Variants in TRANK1 observed in about 807,000 individuals in gnomAD.
TRANK1 encodes the protein tetratricopeptide repeat and ankyrin repeat containing 1.
TRANK1 carries 198 observed loss-of-function variants against 266.0 expected under a neutral mutation model. The observed-to-expected ratio is 0.74, with a 90% CI of 0.66 to 0.84. TRANK1 has a LOEUF of 0.84. Ranked by LOEUF, TRANK1 falls within the 40% of genes least tolerant of loss-of-function variation. TRANK1 has a pLI of 0.00. For missense variants in TRANK1, 3,326 were observed against 3,634.6 expected, an observed-to-expected ratio of 0.92 and a Z score of 2.18; for synonymous variants, 1,396 against 1,384.1, an observed-to-expected ratio of 1.01 and a Z score of -0.19.
intron 16 of TRANK1, 76 bp from the exon 17 acceptor site, chr3:36,846,480 C>T (rs939583243): frequency 6.8e-7 from 1 of 1,481,296 alleles, no homozygotes; most frequent in African/African-American, 1.4e-5. Context: ...AATGGGCTTA[C>T]TCTAATTTTG....
intron 9 of TRANK1, among the ~76,000 whole-genome samples, chr3:36,865,024 G>GTTGTTTTTTTTTTTTTTTTTTTTTT (rs58393381): frequency 8.3e-6 from 1 of 119,808 alleles, no homozygotes; most frequent in Non-Finnish European, 1.7e-5. Context: ...TGTTTTTTTG[G>GTTGTTTTTTTTTTTTTTTTTTTTTT]TTTTTTTTTT....
intron 9 of TRANK1, among the ~76,000 whole-genome samples, chr3:36,869,014 A>G (rs754524715): frequency 6.6e-6 from 1 of 152,256 alleles, no homozygotes; most frequent in Non-Finnish European, 1.5e-5. Flanking sequence ...AGAGCTGAGC[A>G]GCAACATCAG....
chr3:36,945,047 C>G lies in TRANK1; in HGVS notation c.-238G>C. ...CGTCCGGGCGGTGTGCAGCCGCAGA[C>G]CTATTCCAAGTTTCCACGTAGTTGC... On this transcript the variant is annotated 5_prime_UTR_variant, in exon 1 of 24. Coordinates refer to ENST00000645898, the MANE Select transcript of TRANK1 (RefSeq NM_001329998.2). 2.2e-6 allele frequency: 1 copy of G among 452,970 alleles called. No individual in the cohort carries two copies. Among genetic ancestry groups the G allele is most frequent in the East Asian group, 3.7e-5 (1 of 27,284 alleles). The allele number at this position is 452,970 out of a possible 1,614,324, so 28.1% of individuals were successfully genotyped here.
chr3:36,916,810 T>G (rs140822444), intron 1 of TRANK1, among the ~76,000 whole-genome samples: 2,389 of 151,620 alleles, frequency 0.016, 20 homozygotes, highest in African/African-American at 0.024. Flanking sequence ...TTTGTTTTTT[T>G]TTTTGTTTTT....
At chr3:36,866,458 T>C (rs769244735) in intron 9 of TRANK1, among the ~76,000 whole-genome samples, 34 of 151,898 alleles carry the variant, frequency 2.2e-4, no homozygotes, top group Non-Finnish European at 4.4e-4. Flanking sequence ...AGTAGGTGAG[T>C]GGGGGAAGCA....
intron 11 of TRANK1, among the ~76,000 whole-genome samples, chr3:36,859,332 C>T (rs2079103356): frequency 6.6e-6 from 1 of 151,226 alleles, no homozygotes; most frequent in Non-Finnish European, 1.5e-5. Flanking sequence ...AGGTTTGTTA[C>T]ATAGGTATAC....
chr3:36,905,232 A>G (rs1426371077), intron 2 of TRANK1, among the ~76,000 whole-genome samples: 1 of 150,646 alleles, frequency 6.6e-6, no homozygotes, highest in Admixed American at 6.6e-5. Flanking sequence ...CGGAGCTTGC[A>G]GTGAGCCGAG....
chr3:36,907,219 C>T (rs2079982074), intron 2 of TRANK1, among the ~76,000 whole-genome samples: 1 of 152,214 alleles, frequency 6.6e-6, no homozygotes, highest in African/African-American at 2.4e-5. Context: ...GGCACGATCT[C>T]GGCTCGCTGT....
chr3:36,832,339 T>A lies in TRANK1; in HGVS notation c.7244A>T (p.Asp2415Val). 2 of 1,613,974 alleles carry A rather than the reference T, an allele frequency of 1.2e-6. No homozygotes were observed. The highest frequency in any genetic ancestry group is 1.7e-6 in the Non-Finnish European group (2 of 1,179,878). ...TGGGTTCCTGTACACGTAGAATTGA[T>A]CAATGCAATTCTCCAGAAGCCGGAT... The part of the protein sequence containing the change: ...CFIRLLENCI[D>V]QFYVYRNPED... The change falls in exon 22 of 24, where the codon GAT becomes GTT. Residue 2415 changes from aspartate to valine, a missense_variant. Physicochemically the swap from Asp to Val is radical, Grantham distance 152. Transcript: ENST00000645898.
At chr3:36,897,505 C>T (rs1427656365) in intron 4 of TRANK1, among the ~76,000 whole-genome samples, 6 of 152,162 alleles carry the variant, frequency 3.9e-5, no homozygotes, top group African/African-American at 7.2e-5. Flanking sequence ...ACTCTAGTCC[C>T]CTCTCTGTAC....
intron 9 of TRANK1, among the ~76,000 whole-genome samples, chr3:36,871,931 GC>G (rs1297783954): frequency 6.6e-6 from 1 of 152,140 alleles, no homozygotes; most frequent in African/African-American, 2.4e-5. Context: ...GCAATTTGCT[GC>G]CCACTTGCAC....
At chr3:36,834,652 A>T (rs1490875971) in intron 21 of TRANK1, 110 bp downstream of exon 21, 8 of 1,290,102 alleles carry the variant, frequency 6.2e-6, no homozygotes, top group Non-Finnish European at 8.5e-6. Context: ...AAAGGGAGCA[A>T]TGTGGTCAAA....
chr3:36,870,962 T>TAAAAAAAGAAAAA (rs2079299176), intron 9 of TRANK1, among the ~76,000 whole-genome samples: 1 of 65,102 alleles, frequency 1.5e-5, no homozygotes, highest in Non-Finnish European at 2.9e-5. Context: ...ACAAGGAAAC[T>TAAAAAAAGAAAAA]AAAAAAAAAA....
chr3:36,928,793 A>T (rs1038798306), intron 1 of TRANK1, among the ~76,000 whole-genome samples: 1 of 152,182 alleles, frequency 6.6e-6, no homozygotes, highest in Non-Finnish European at 1.5e-5. Context: ...ACAAAACTTT[A>T]CTTAAAAAAA....
intron 9 of TRANK1, among the ~76,000 whole-genome samples, chr3:36,871,626 C>A (rs1156259874): frequency 1.3e-5 from 2 of 151,986 alleles, no homozygotes; most frequent in African/African-American, 4.8e-5. Context: ...AACATGAGGT[C>A]ATTTAAAAAC....
intron 12 of TRANK1, 111 bp from the exon 13 acceptor site, chr3:36,858,160 C>T (rs972882737): frequency 1.1e-6 from 1 of 898,718 alleles, no homozygotes; most frequent in South Asian, 1.8e-5. Context: ...ATGCTGAACT[C>T]CCCCAAAAAA....
intron 7 of TRANK1, among the ~76,000 whole-genome samples, chr3:36,891,872 G>A (rs879287607): frequency 2.6e-5 from 4 of 152,110 alleles, no homozygotes; most frequent in Non-Finnish European, 4.4e-5. Context: ...CCGGAAGGAG[G>A]AAACTCTGCA....
intron 1 of TRANK1, among the ~76,000 whole-genome samples, chr3:36,918,494 AG>A (rs1207363014): frequency 4.8e-5 from 1 of 20,990 alleles, no homozygotes; most frequent in East Asian, 1.2e-3. Context: ...AAAGAAAGAA[AG>A]AAAGAAAGAA....
intron 1 of TRANK1, among the ~76,000 whole-genome samples, chr3:36,921,269 G>A (rs1355644058): frequency 6.6e-6 from 1 of 152,198 alleles, no homozygotes; most frequent in Non-Finnish European, 1.5e-5. Flanking sequence ...CAACACAGCA[G>A]TAGGGGCTAC....
Sources: allele counts gnomAD v4.1 joint callset (sites outside exome capture counted in the v4.1 genomes callset), GRCh38; gene constraint gnomAD v4.1.1; transcripts MANE v1.5; gene names NCBI Gene and HGNC (gene_info 2026-07-23, HGNC 2026-07-21).